The following HIPK3 variants were observed in gnomAD, a reference collection of about 807,000 sequenced individuals.
The protein encoded by HIPK3 is homeodomain-interacting protein kinase 3.
Under a neutral mutation model 124.2 loss-of-function variants are expected in HIPK3, and 47 were observed. That is an observed-to-expected ratio of 0.38 (90% CI 0.30 to 0.48). The LOEUF is 0.48. Ranked by LOEUF, HIPK3 falls within the 20% of genes least tolerant of loss-of-function variation. The pLI is 0.98. For missense variants in HIPK3, 1,286 were observed against 1,454.3 expected, an observed-to-expected ratio of 0.88 and a Z score of 1.88; for synonymous variants, 482 against 515.2, an observed-to-expected ratio of 0.94 and a Z score of 0.87.
intron 1 of HIPK3, among the ~76,000 whole-genome samples, chr11:33,274,119 CATT>C (rs1200586193): frequency 6.6e-6 from 1 of 152,158 alleles, no homozygotes; most frequent in Non-Finnish European, 1.5e-5. Context: ...AGCTTTGAAT[CATT>C]ATCTCATACA....
At chr11:33,257,264 G>T, upstream of HIPK3, 8 of 983,140 alleles carry the variant, frequency 8.1e-6, no homozygotes, top group Non-Finnish European at 9.6e-6. Context: ...CGCCGCGGCC[G>T]GAGCGGAGCG....
chr11:33,310,586 G>A (rs907451955), intron 2 of HIPK3, among the ~76,000 whole-genome samples: 8 of 152,074 alleles, frequency 5.3e-5, no homozygotes, highest in Non-Finnish European at 8.8e-5. Context: ...TTGGATTACA[G>A]GCATGAGCCA....
chr11:33,321,042 AC>A (rs1852649623), intron 2 of HIPK3, among the ~76,000 whole-genome samples: 1 of 152,188 alleles, frequency 6.6e-6, no homozygotes, highest in South Asian at 2.1e-4. Context: ...GCCTTCAGAT[AC>A]CCCAAAGTTT....
chr11:33,328,093 G>C (rs187382744), intron 2 of HIPK3, among the ~76,000 whole-genome samples: 3 of 152,214 alleles, frequency 2.0e-5, no homozygotes, highest in Admixed American at 2.0e-4. Flanking sequence ...TTTAGCCTTT[G>C]AGGATTTTGC....
chr11:33,292,488 G>T (rs1851723865), intron 2 of HIPK3, among the ~76,000 whole-genome samples: 1 of 152,118 alleles, frequency 6.6e-6, no homozygotes, highest in Non-Finnish European at 1.5e-5. Flanking sequence ...GGCAGGGAAG[G>T]CTTCTAGGGG....
chr11:33,302,319 T>TATC (rs1358871704), intron 2 of HIPK3, among the ~76,000 whole-genome samples: 3 of 149,596 alleles, frequency 2.0e-5, no homozygotes, highest in African/African-American at 7.4e-5. Flanking sequence ...TCCAATGAAC[T>TATC]TCTCTATGAT....
chr11:33,296,757 A>G (rs571281533), intron 2 of HIPK3, among the ~76,000 whole-genome samples: 1 of 152,312 alleles, frequency 6.6e-6, no homozygotes, highest in African/African-American at 2.4e-5. Context: ...TCTAACAACC[A>G]GCTGATCCTT....
chr11:33,300,036 AAAAAAAAAG>A (rs1299926987), intron 2 of HIPK3, among the ~76,000 whole-genome samples: 41 of 150,358 alleles, frequency 2.7e-4, no homozygotes, highest in South Asian at 1.3e-3. Flanking sequence ...AAAAAAAAAA[AAAAAAAAAG>A]AAAGAAAGAA....
chr11:33,311,906 T>A, intron 2 of HIPK3, among the ~76,000 whole-genome samples: 1 of 50,398 alleles, frequency 2.0e-5, no homozygotes. Context: ...CAAGACCCTG[T>A]TTCTACACAC....
In HIPK3 at chr11:33,257,428, G is replaced by C; in HGVS notation, c.-464G>C. On this transcript the variant is annotated 5_prime_UTR_variant, in exon 1 of 17. Transcript: ENST00000303296. ...ACTGCCGGCATCGCGGCGACCTGAGGAGATCAAGCCGCAGGCCCCGCCGTC... is the reference window on the plus strand; with the variant it reads ...ACTGCCGGCATCGCGGCGACCTGAGCAGATCAAGCCGCAGGCCCCGCCGTC... The C allele has an allele frequency of 1.0e-6, 1 of 985,240 alleles. No homozygotes were observed. Among genetic ancestry groups the C allele is most frequent in the Non-Finnish European group, 1.2e-6 (1 of 829,856 alleles). The allele number at this position is 985,240 out of a possible 1,614,324, so 61.0% of individuals were successfully genotyped here. A position where few individuals can be genotyped will look rare whatever the true frequency, so the allele number is the denominator to read the frequency against.
At chr11:33,351,993 G>T in intron 15 of HIPK3, 145 bp from the exon 16 acceptor site, 1 of 1,013,670 alleles carries the variant, frequency 9.9e-7, no homozygotes, top group Non-Finnish European at 1.4e-6. Flanking sequence ...GTATTATCCA[G>T]TGCTTGGAAA....
intron 1 of HIPK3, among the ~76,000 whole-genome samples, chr11:33,274,820 A>G (rs1028463376): frequency 6.6e-6 from 1 of 152,088 alleles, no homozygotes; most frequent in Non-Finnish European, 1.5e-5. Context: ...TTCTGTTCCA[A>G]ATGTTGGAAC....
intron 2 of HIPK3, among the ~76,000 whole-genome samples, chr11:33,301,027 T>G (rs1365112120): frequency 6.6e-6 from 1 of 152,200 alleles, no homozygotes; most frequent in Non-Finnish European, 1.5e-5. Context: ...TATATTTCTA[T>G]GTCTATCTGT....
chr11:33,315,628 G>C (rs1163895241), intron 2 of HIPK3, among the ~76,000 whole-genome samples: 2 of 152,182 alleles, frequency 1.3e-5, no homozygotes, highest in African/African-American at 2.4e-5. Flanking sequence ...CTCCCAAAGT[G>C]ATGGGATTAC....
At chr11:33,294,716 T>C (rs1387925678) in intron 2 of HIPK3, among the ~76,000 whole-genome samples, 1 of 152,308 alleles carries the variant, frequency 6.6e-6, no homozygotes, top group East Asian at 1.9e-4. Context: ...GCAATCCTTC[T>C]GCCTCACACC....
At chr11:33,256,793 A>T, upstream of HIPK3, 1 of 736,162 alleles carries the variant, frequency 1.4e-6, no homozygotes, top group Non-Finnish European at 1.6e-6. Context: ...GACAGTAGAG[A>T]TGCTCTTAAA....
At position 33,297,778 on chromosome 11, in the gene HIPK3, CTTTTTTTTTTTTTTT is replaced by C. The variant is rs1015881408; in HGVS notation, c.1097+10279_1097+10293del. Among the ~76,000 whole-genome samples, 208 of 81,998 alleles carry C rather than the reference CTTTTTTTTTTTTTTT, an allele frequency of 2.5e-3. 3 individuals are homozygous for C. Among genetic ancestry groups the C allele is most frequent in the African/African-American group, 9.7e-3 (205 of 21,188 alleles). The allele number at this position is 81,998 out of a possible 152,430, so 53.8% of individuals were successfully genotyped here. ...TGGCTTCAGAACTTCAAAGAACAGG[CTTTTTTTTTTTTTTT>C]TTTTTTTTTTTCTTGAGATGGAGTC... On this transcript the variant is annotated intron_variant, in intron 2 of 16. Transcript: ENST00000303296.
At chr11:33,303,784 A>G (rs1852072200) in intron 2 of HIPK3, among the ~76,000 whole-genome samples, 2 of 152,222 alleles carry the variant, frequency 1.3e-5, no homozygotes, top group Non-Finnish European at 2.9e-5. Flanking sequence ...TGGTGTGGCA[A>G]GATTGTATTA....
chr11:33,259,188 C>G (rs1257801316), intron 1 of HIPK3, among the ~76,000 whole-genome samples: 1 of 152,242 alleles, frequency 6.6e-6, no homozygotes, highest in East Asian at 1.9e-4. Context: ...GTTTTAGTTG[C>G]TGGGCTCTTT....
Sources: allele counts gnomAD v4.1 joint callset (sites outside exome capture counted in the v4.1 genomes callset), GRCh38; gene constraint gnomAD v4.1.1; transcripts MANE v1.5; gene names NCBI Gene and HGNC (gene_info 2026-07-23, HGNC 2026-07-21).